FAM3D: variants seen among roughly 807,000 people sequenced by gnomAD.
The protein encoded by FAM3D is protein FAM3D.
A neutral mutation model predicts 29.8 loss-of-function variants in FAM3D; 26 were observed. That is an observed-to-expected ratio of 0.87 (90% confidence interval 0.64 to 1.21). FAM3D has a LOEUF of 1.21. Among genes scored for constraint, FAM3D ranks in the 50% most tolerant of loss-of-function variants. The pLI, the probability that FAM3D is intolerant of heterozygous loss-of-function variation, is 0.00. For synonymous variants in FAM3D, 115 were observed against 102.3 expected (o/e 1.12, Z -0.75); for missense variants, 253 against 290.9 (o/e 0.87, Z 0.95).
rs561623829 is a variant in FAM3D, at chr3:58,665,878, T to C, written c.-39+698A>G. On this transcript the variant is annotated intron_variant, in intron 1 of 9. Coordinates refer to ENST00000358781, the MANE Select transcript of FAM3D (RefSeq NM_138805.3). ...TGTACTTCAGTGATGATTATCATAG[T>C]TGCGTAGACAATGAGAACTTCAGCG... is the stretch of plus-strand genomic sequence containing the variant. Among the ~76,000 whole-genome samples the C allele has an allele frequency of 1.2e-3, 186 of 152,342 alleles. 9 individuals are homozygous for C. In the South Asian group the frequency reaches 0.038, roughly 31 times the overall value.
intron 4 of FAM3D, among the ~76,000 whole-genome samples, chr3:58,646,422 G>A (rs1004871838): frequency 4.6e-5 from 7 of 152,158 alleles, no homozygotes; most frequent in Non-Finnish European, 7.4e-5. Context: ...GTCCATGCCT[G>A]GGGGGAGATG....
intron 1 of FAM3D, among the ~76,000 whole-genome samples, chr3:58,666,138 G>A (rs2067025728): frequency 6.6e-6 from 1 of 152,048 alleles, no homozygotes; most frequent in South Asian, 2.1e-4. Context: ...GTTGATCATT[G>A]GAATGTGTTT....
At chr3:58,643,758 G>A (rs369608368) in intron 5 of FAM3D, 38 bp from the exon 6 acceptor site, 71 of 1,601,466 alleles carry the variant, frequency 4.4e-5, no homozygotes, top group Non-Finnish European at 5.7e-5. Context: ...AGTCGGTCCC[G>A]AGTGTGGAAT....
chr3:58,651,333 A>C (rs1178552344), intron 3 of FAM3D, among the ~76,000 whole-genome samples: 1 of 152,360 alleles, frequency 6.6e-6, no homozygotes, highest in South Asian at 2.1e-4. Context: ...ATGTGCACTC[A>C]GGTTAGGAAC....
Position 58,653,735 on chromosome 3 carries a change from C to A in FAM3D, c.60G>T (p.Trp20Cys). ...LALIFAIVTTWMFIRSYMSFS... is the reference protein window; with the variant it reads ...LALIFAIVTTCMFIRSYMSFS... ...AGCTCATGTAGCTTCGAATAAACAT[C>A]CATGTCGTGACTATGGCAAAGATGA... The change falls in exon 3 of 10, where the codon TGG becomes TGT. Residue 20 changes from tryptophan to cysteine, a missense_variant. Coordinates refer to ENST00000358781, the MANE Select transcript of FAM3D (RefSeq NM_138805.3). 6.2e-7 allele frequency: 1 copy of A among 1,614,064 alleles called. No homozygotes were observed. The highest frequency in any genetic ancestry group is 8.5e-7 in the Non-Finnish European group (1 of 1,180,040).
In FAM3D at chr3:58,635,840, G is replaced by A. The variant is rs997161145; in HGVS notation, c.585+454C>T. 7.9e-5 allele frequency among the ~76,000 whole-genome samples: 12 copies of A among 152,156 alleles called. No individual in the cohort carries two copies. Among genetic ancestry groups the A allele is most frequent in the African/African-American group, 2.4e-4 (10 of 41,440 alleles). On this transcript the variant is annotated intron_variant, in intron 9 of 9. Transcript: ENST00000358781. The surrounding 1 kb of genome is among the most constrained non-coding windows in gnomAD (Gnocchi z 5.2). Reference sequence around the variant, plus strand: ...GCACCTGCCCCCTCCAGCACCTCTTGTCTGATGATGGCATCGGCCTCCTCC... The same window carrying A: ...GCACCTGCCCCCTCCAGCACCTCTTATCTGATGATGGCATCGGCCTCCTCC...
intron 3 of FAM3D, among the ~76,000 whole-genome samples, chr3:58,650,820 C>T (rs1322582024): frequency 3.3e-5 from 5 of 152,168 alleles, no homozygotes; most frequent in Admixed American, 6.5e-5. Flanking sequence ...CGGGTTCACG[C>T]CATTCTCCTG....
chr3:58,660,690 G>A (rs1308696707), intron 1 of FAM3D, among the ~76,000 whole-genome samples: 1 of 152,100 alleles, frequency 6.6e-6, no homozygotes, highest in Non-Finnish European at 1.5e-5. Context: ...GCTGCATGGC[G>A]GGAAATGCAA....
chr3:58,644,116 C>G (rs1231637647), intron 5 of FAM3D, among the ~76,000 whole-genome samples: 2 of 152,202 alleles, frequency 1.3e-5, no homozygotes, highest in African/African-American at 4.8e-5. Flanking sequence ...GGCATCCACA[C>G]CCTTGTCTCT....
At chr3:58,642,381 C>T (rs1218727209) in intron 6 of FAM3D, among the ~76,000 whole-genome samples, 5 of 152,192 alleles carry the variant, frequency 3.3e-5, no homozygotes, top group African/African-American at 1.2e-4. Flanking sequence ...GGCCGGGGCT[C>T]CCATCCTACC....
intron 4 of FAM3D, among the ~76,000 whole-genome samples, chr3:58,647,454 A>T (rs1005857325): frequency 1.3e-5 from 2 of 152,030 alleles, no homozygotes; most frequent in African/African-American, 4.8e-5. Flanking sequence ...TTGGGGCCCC[A>T]CCTCCAGCCA....
chr3:58,639,125 C>A (rs554766067), intron 7 of FAM3D, among the ~76,000 whole-genome samples: 1 of 152,142 alleles, frequency 6.6e-6, no homozygotes, highest in Non-Finnish European at 1.5e-5. Flanking sequence ...TTCATCTTTA[C>A]GCTTTTTTTC....
intron 2 of FAM3D, 55 bp from the exon 3 acceptor site, chr3:58,653,836 G>T: frequency 7.4e-7 from 1 of 1,360,152 alleles, no homozygotes. Flanking sequence ...CACATTGCAA[G>T]ACCACGTGTG....
chr3:58,642,244 C>G (rs2066354632), intron 6 of FAM3D, among the ~76,000 whole-genome samples: 1 of 152,202 alleles, frequency 6.6e-6, no homozygotes. Context: ...TCCTCTGACT[C>G]CCATCTGTCC....
At position 58,649,358 on chromosome 3, in the gene FAM3D, T is replaced by C. The variant is rs370785087; in HGVS notation, c.122-20A>G. ...AGGCTGCTGGAGAGAAGACAGAATC[T>C]GGTTAGAGGAAAAGCACTTCGGACC... On this transcript the variant is annotated intron_variant, in intron 3 of 9. Coordinates refer to ENST00000358781, the MANE Select transcript of FAM3D (RefSeq NM_138805.3). The C allele has an allele frequency of 1.2e-6, 2 of 1,610,790 alleles. No homozygotes were observed. The highest frequency in any genetic ancestry group is 1.7e-5 in the Admixed American group (1 of 59,750).
At chr3:58,655,511 C>A in intron 2 of FAM3D, 40 bp downstream of exon 2, 2 of 1,612,618 alleles carry the variant, frequency 1.2e-6, no homozygotes, top group African/African-American at 1.3e-5. Flanking sequence ...GTGGACACAG[C>A]TGACAGAAAA....
chr3:58,658,428 A>C (rs1275650661), intron 1 of FAM3D, among the ~76,000 whole-genome samples: 1 of 152,120 alleles, frequency 6.6e-6, no homozygotes, highest in Admixed American at 6.5e-5. Flanking sequence ...CCCTGGGAAG[A>C]TTGGGGGAGA....
Position 58,653,773 on chromosome 3 carries a change from G to C in FAM3D, c.22C>G (p.Arg8Gly). MRVSGVL[R>G]LLALIFAIVT... Reference sequence around the variant, plus strand: ...ATGGCAAAGATGAGGGCCAGGAGGCGAAGCACACCTGCTGAGCAAGGGGAT... The same window carrying C: ...ATGGCAAAGATGAGGGCCAGGAGGCCAAGCACACCTGCTGAGCAAGGGGAT... Residue 8 changes from arginine (R) to glycine (G), a missense_variant, in exon 3 of 10, where the codon CGC becomes GGC. By Grantham distance (125) the Arg-to-Gly change is moderately radical (BLOSUM62 -2). Transcript: ENST00000358781. 1.2e-6 allele frequency: 2 copies of C among 1,613,460 alleles called. No homozygotes were observed. Among genetic ancestry groups the C allele is most frequent in the East Asian group, 2.2e-5 (1 of 44,880 alleles).
chr3:58,648,243 T>C (rs368425944), intron 4 of FAM3D, among the ~76,000 whole-genome samples: 1 of 152,106 alleles, frequency 6.6e-6, no homozygotes, highest in South Asian at 2.1e-4. Flanking sequence ...TGGAGGTGAA[T>C]GATTTGTGTT....
Sources: gnomAD v4.1 joint callset for allele counts (sites outside exome capture counted in the v4.1 genomes callset) on GRCh38, gnomAD v4.1.1 for gene constraint, Gnocchi (gnomAD v3.1) non-coding constraint, MANE v1.5 for transcripts, NCBI Gene and HGNC (gene_info 2026-07-23, HGNC 2026-07-21) for gene names.